The following FAM240B variants were observed in gnomAD, a reference collection of about 807,000 sequenced individuals.
FAM240B encodes the protein protein FAM240B.
chr9:38,716,018 C>T (rs1482535595), intron 1 of FAM240B, among the ~76,000 whole-genome samples: 1 of 152,214 alleles, frequency 6.6e-6, no homozygotes, highest in Non-Finnish European at 1.5e-5. Flanking sequence ...GGTCCTTAAG[C>T]TCATTCTGCC....
intron 2 of FAM240B, among the ~76,000 whole-genome samples, chr9:38,699,873 C>T (rs932231968): frequency 2.0e-5 from 3 of 152,226 alleles, no homozygotes; most frequent in Admixed American, 6.5e-5. Context: ...GATCTCAGTA[C>T]TCCAATCTTG....
chr9:38,699,572 C>T (rs114760540), intron 2 of FAM240B, among the ~76,000 whole-genome samples: 1,781 of 152,282 alleles, frequency 0.012, 39 homozygotes, highest in African/African-American at 0.041. Context: ...GCAAATGCTG[C>T]CCACAGGGGA....
chr9:38,704,517 A>T (rs1821166371), intron 1 of FAM240B, among the ~76,000 whole-genome samples: 1 of 152,166 alleles, frequency 6.6e-6, no homozygotes, highest in Admixed American at 6.5e-5. Context: ...AAAATATTTG[A>T]TAATCTTCAT....
intron 1 of FAM240B, among the ~76,000 whole-genome samples, chr9:38,718,701 T>A (rs1014743884): frequency 1.3e-5 from 2 of 152,136 alleles, no homozygotes; most frequent in African/African-American, 2.4e-5. Flanking sequence ...CATTAATCAG[T>A]TTCATTGCAT....
chr9:38,714,330 T>C (rs757897240), intron 1 of FAM240B, among the ~76,000 whole-genome samples: 8 of 152,098 alleles, frequency 5.3e-5, no homozygotes, highest in African/African-American at 1.4e-4. Flanking sequence ...GTGGTAAAAA[T>C]GAGTGGATGA....
At chr9:38,695,996 A>G (rs1821064611) in intron 2 of FAM240B, among the ~76,000 whole-genome samples, 1 of 152,208 alleles carries the variant, frequency 6.6e-6, no homozygotes, top group Non-Finnish European at 1.5e-5. Flanking sequence ...TATTCAAACA[A>G]TGGGCTTGGA....
At chr9:38,695,958 C>T (rs1022714577) in intron 2 of FAM240B, among the ~76,000 whole-genome samples, 2 of 152,188 alleles carry the variant, frequency 1.3e-5, no homozygotes, top group Non-Finnish European at 2.9e-5. Context: ...GGCTTTTTAA[C>T]AAATGGTGCT....
At chr9:38,700,907 C>T (rs1018620605) in intron 2 of FAM240B, among the ~76,000 whole-genome samples, 1 of 152,196 alleles carries the variant, frequency 6.6e-6, no homozygotes, top group Non-Finnish European at 1.5e-5. Flanking sequence ...TCACTGAACC[C>T]ACAGGTGTGT....
intron 2 of FAM240B, among the ~76,000 whole-genome samples, chr9:38,698,240 A>T (rs1400649576): frequency 6.6e-6 from 1 of 152,226 alleles, no homozygotes; most frequent in Non-Finnish European, 1.5e-5. Context: ...AAATTGAGGA[A>T]ATATTCTTTC....
intron 1 of FAM240B, among the ~76,000 whole-genome samples, chr9:38,710,200 C>A (rs1353636593): frequency 2.0e-5 from 3 of 152,180 alleles, no homozygotes; most frequent in African/African-American, 7.2e-5. Flanking sequence ...AGTCTCTTGA[C>A]CTCGTGATCC....
At chr9:38,697,115 C>T (rs1587588141) in intron 2 of FAM240B, among the ~76,000 whole-genome samples, 1 of 152,184 alleles carries the variant, frequency 6.6e-6, no homozygotes, top group South Asian at 2.1e-4. Flanking sequence ...ACTTGATGCA[C>T]TTAACCTAAT....
intron 2 of FAM240B, among the ~76,000 whole-genome samples, chr9:38,695,998 G>A (rs1253810590): frequency 4.6e-5 from 7 of 152,166 alleles, no homozygotes; most frequent in Non-Finnish European, 8.8e-5. Context: ...TTCAAACAAT[G>A]GGCTTGGAAT....
At chr9:38,707,620 A>C (rs1413976538) in intron 1 of FAM240B, among the ~76,000 whole-genome samples, 3 of 142,560 alleles carry the variant, frequency 2.1e-5, no homozygotes, top group Admixed American at 1.4e-4. Context: ...AAACAAAAAA[A>C]AAAAACAAAA....
intron 2 of FAM240B, among the ~76,000 whole-genome samples, chr9:38,699,721 A>G (rs550393506): frequency 6.6e-6 from 1 of 152,340 alleles, no homozygotes; most frequent in East Asian, 1.9e-4. Flanking sequence ...CTATCAGTCA[A>G]CTATGCTCCC....
chr9:38,712,689 T>A (rs7868611), intron 1 of FAM240B, among the ~76,000 whole-genome samples: 73,445 of 152,036 alleles, frequency 0.48, 18,037 homozygotes, highest in South Asian at 0.58. Context: ...ATGAATCACA[T>A]TTGGCAATTG....
Position 38,694,407 on chromosome 9 carries a change from G to A in FAM240B, c.*369C>T, listed in dbSNP as rs1399880524. 1 of 167,990 alleles carries A rather than the reference G, an allele frequency of 6.0e-6. No individual in the cohort carries two copies. The highest frequency in any genetic ancestry group is 1.3e-5 in the Non-Finnish European group (1 of 78,878). The allele number at this position is 167,990 out of a possible 1,614,324, so 10.4% of individuals were successfully genotyped here. Reference sequence around the variant, plus strand: ...AATTTTCATCAAGGTCATTGCCCTCGGTAAGCTTAGAGAAAACACTTCAAA... The same window carrying A: ...AATTTTCATCAAGGTCATTGCCCTCAGTAAGCTTAGAGAAAACACTTCAAA... On this transcript the variant is annotated 3_prime_UTR_variant, in exon 3 of 3. Transcript: ENST00000637493.
chr9:38,698,583 C>T (rs1052801407), intron 2 of FAM240B, among the ~76,000 whole-genome samples: 3 of 152,202 alleles, frequency 2.0e-5, no homozygotes, highest in Admixed American at 2.0e-4. Flanking sequence ...GGTAAACATT[C>T]ATCAGCACAC....
At position 38,694,373 on chromosome 9, in the gene FAM240B, G is replaced by C. The variant is rs1821042088; in HGVS notation, c.*403C>G. On this transcript the variant is annotated 3_prime_UTR_variant, in exon 3 of 3. Transcript: ENST00000637493. The stretch of plus-strand genomic sequence containing the variant: ...TATGACTCTTTTTCCAGGACACCTG[G>C]CAAAGCCAAATTTTCATCAAGGTCA... The C allele has an allele frequency of 6.3e-6, 1 of 159,054 alleles. No individual in the cohort carries two copies. Among genetic ancestry groups the C allele is most frequent in the South Asian group, 2.0e-4 (1 of 4,880 alleles). 9.9% of individuals were successfully genotyped at this position (159,054 alleles called of 1,614,324 possible).
At position 38,709,786 on chromosome 9, in the gene FAM240B, T is replaced by C. The variant is rs186507422; in HGVS notation, c.-3-5784A>G. ...TCTGTAAGATTAAGCTCCTATTTTT[T>C]ACATGAGCAACTTTTCAAACTCAGG... On this transcript the variant is annotated intron_variant, in intron 1 of 2. Transcript: ENST00000637493. Among the ~76,000 whole-genome samples the C allele has an allele frequency of 3.6e-4, 55 of 152,366 alleles. No individual in the cohort carries two copies. The East Asian group carries it at 9.1e-3, about 25-fold the overall frequency.
Sources: gnomAD v4.1 joint callset for allele counts (sites outside exome capture counted in the v4.1 genomes callset) on GRCh38, gnomAD v4.1.1 for gene constraint, MANE v1.5 for transcripts, NCBI Gene and HGNC (gene_info 2026-07-23, HGNC 2026-07-21) for gene names.